Variants in DLG2 observed in about 807,000 individuals in gnomAD.
The protein encoded by DLG2 is discs large MAGUK scaffold protein 2.
DLG2 carries 45 observed loss-of-function variants against 132.5 expected under a neutral mutation model. The observed-to-expected ratio is 0.34, with a 90% CI of 0.27 to 0.44. The LOEUF is 0.44. Ranked by LOEUF, DLG2 falls within the 20% of genes least tolerant of loss-of-function variation. DLG2 has a pLI of 1.00. For missense variants in DLG2, 1,045 were observed against 1,196.9 expected (o/e 0.87, Z 1.87); for synonymous variants, 424 against 419.6 (o/e 1.01, Z -0.13).
intron 6 of DLG2, among the ~76,000 whole-genome samples, chr11:84,716,362 TAAC>T (rs1196282571): frequency 4.6e-5 from 7 of 152,028 alleles, no homozygotes; most frequent in African/African-American, 7.2e-5. Flanking sequence ...TTAGGACAAA[TAAC>T]AAATATTCTT....
chr11:85,620,771 T>C (rs1367785384), intron 2 of DLG2, among the ~76,000 whole-genome samples: 3 of 152,086 alleles, frequency 2.0e-5, no homozygotes, highest in Admixed American at 6.5e-5. Flanking sequence ...CCAGCAAAGG[T>C]TGGTTCATGA....
At chr11:84,314,798 A>C (rs1316373496) in intron 7 of DLG2, among the ~76,000 whole-genome samples, 1 of 151,922 alleles carries the variant, frequency 6.6e-6, no homozygotes, top group African/African-American at 2.4e-5. Flanking sequence ...CATATATTAA[A>C]GTCTGTGTGT....
intron 6 of DLG2, among the ~76,000 whole-genome samples, chr11:84,994,906 C>T (rs959166156): frequency 6.6e-6 from 1 of 152,146 alleles, no homozygotes; most frequent in Non-Finnish European, 1.5e-5. Flanking sequence ...TGAAAAAATT[C>T]TTAAGGAACT....
chr11:85,372,429 C>A (rs1295504110), intron 3 of DLG2, among the ~76,000 whole-genome samples: 4 of 152,178 alleles, frequency 2.6e-5, no homozygotes, highest in Admixed American at 6.5e-5. Context: ...GTCCATGCAA[C>A]CCCCCTGAGA....
At chr11:83,984,767 G>A (rs1187627619) in intron 11 of DLG2, among the ~76,000 whole-genome samples, 1 of 152,076 alleles carries the variant, frequency 6.6e-6, no homozygotes, top group Non-Finnish European at 1.5e-5. Flanking sequence ...AGTATACAAT[G>A]TGTAATGATC....
At chr11:84,287,770 AC>A (rs2097926173) in intron 7 of DLG2, among the ~76,000 whole-genome samples, 1 of 151,302 alleles carries the variant, frequency 6.6e-6, no homozygotes, top group Non-Finnish European at 1.5e-5. Context: ...ACACACACAC[AC>A]ACACACACAA....
chr11:84,327,186 G>A (rs2098436930), intron 7 of DLG2, among the ~76,000 whole-genome samples: 3 of 141,246 alleles, frequency 2.1e-5, no homozygotes, highest in African/African-American at 2.7e-5. Context: ...GTGCAATCTC[G>A]GCTCACTTCA....
intron 7 of DLG2, among the ~76,000 whole-genome samples, chr11:84,481,912 A>G (rs2099138811): frequency 1.3e-5 from 2 of 152,216 alleles, no homozygotes; most frequent in Non-Finnish European, 2.9e-5. Context: ...CAGGGACTTC[A>G]ACAAACTCAT....
At chr11:84,040,149 A>C (rs2096020687) in intron 11 of DLG2, among the ~76,000 whole-genome samples, 1 of 149,120 alleles carries the variant, frequency 6.7e-6, no homozygotes, top group Non-Finnish European at 1.5e-5. Flanking sequence ...GGTTGTGAAA[A>C]TTTTCTCCCA....
chr11:83,545,930 A>G (rs1338676731), intron 19 of DLG2, among the ~76,000 whole-genome samples: 3 of 152,184 alleles, frequency 2.0e-5, no homozygotes, highest in Non-Finnish European at 4.4e-5. Flanking sequence ...TTAACAAGCG[A>G]TAAGCTGTTT....
At chr11:83,565,043 C>T (rs187553880) in intron 19 of DLG2, among the ~76,000 whole-genome samples, 14 of 152,282 alleles carry the variant, frequency 9.2e-5, no homozygotes, top group Admixed American at 4.6e-4. Context: ...TGAGGGCAGG[C>T]GCCTATCTTA....
intron 7 of DLG2, among the ~76,000 whole-genome samples, chr11:84,420,858 C>T (rs1444221154): frequency 4.0e-5 from 6 of 150,276 alleles, no homozygotes; most frequent in Admixed American, 2.6e-4. Context: ...TTAGTAGAGA[C>T]GGGGTTTCAC....
chr11:85,159,753 C>A (rs1216682935), intron 4 of DLG2, among the ~76,000 whole-genome samples: 1 of 152,192 alleles, frequency 6.6e-6, no homozygotes. Context: ...CCATCAGAAA[C>A]AATTTGCCTT....
intron 6 of DLG2, among the ~76,000 whole-genome samples, chr11:84,563,594 A>G (rs2099436801): frequency 6.6e-6 from 1 of 152,230 alleles, no homozygotes; most frequent in African/African-American, 2.4e-5. Flanking sequence ...GGTGAGGTTC[A>G]GATGCTGTCT....
At chr11:84,273,374 C>T in intron 7 of DLG2, 6 of 1,302,254 alleles carry the variant, frequency 4.6e-6, no homozygotes, top group Non-Finnish European at 5.9e-6. Flanking sequence ...ATCTGCTACA[C>T]AAACTGCTAT....
intron 6 of DLG2, among the ~76,000 whole-genome samples, chr11:84,621,790 C>T (rs771546652): frequency 3.3e-5 from 5 of 151,968 alleles, no homozygotes; most frequent in East Asian, 1.9e-4. Context: ...ATAGGAATAG[C>T]GCAAGGGTAA....
In DLG2 at chr11:84,634,291, A is replaced by G. The variant is rs536798937; in HGVS notation, c.358-99560T>C. On this transcript the variant is annotated intron_variant, in intron 6 of 27. Transcript: ENST00000376104. ...TCATTTTGACATTCTGAGTTGGTAG[A>G]GCCCCTGACACACATAAAGTATTCA... 3.3e-5 allele frequency among the ~76,000 whole-genome samples: 5 copies of G among 152,320 alleles called. No homozygotes were observed. The South Asian group carries it at 1.0e-3, about 32-fold the overall frequency.
chr11:84,236,639 G>A (rs2097161860), intron 8 of DLG2, among the ~76,000 whole-genome samples: 1 of 152,218 alleles, frequency 6.6e-6, no homozygotes, highest in African/African-American at 2.4e-5. Flanking sequence ...CATGTGCCTT[G>A]CATAGCTAGC....
At chr11:84,397,674 G>A (rs948964651) in intron 7 of DLG2, among the ~76,000 whole-genome samples, 6 of 152,204 alleles carry the variant, frequency 3.9e-5, no homozygotes, top group East Asian at 1.9e-4. Context: ...GAACATTGAC[G>A]TGAGAGCTAT....
Sources: allele counts gnomAD v4.1 joint callset (sites outside exome capture counted in the v4.1 genomes callset), GRCh38; gene constraint gnomAD v4.1.1; transcripts MANE v1.5; gene names NCBI Gene and HGNC (gene_info 2026-07-23, HGNC 2026-07-21).